Variants in OR1J2 observed in about 807,000 individuals in gnomAD.
OR1J2 encodes the protein olfactory receptor 1J2.
For missense variants in OR1J2, 304 were observed against 246.1 expected (o/e 1.24, Z -1.57); for synonymous variants, 142 against 99.7 (o/e 1.42, Z -2.52).
the OR1J2 span, among the ~76,000 whole-genome samples, chr9:122,484,420 A>G: frequency 6.6e-6 from 1 of 152,126 alleles, no homozygotes; most frequent in Non-Finnish European, 1.5e-5. Flanking sequence ...TCGGCCTCCC[A>G]AAGTGCTGGG....
chr9:122,516,411 C>A (rs1043690958), downstream of OR1J2, among the ~76,000 whole-genome samples: 284 of 148,390 alleles, frequency 1.9e-3, no homozygotes, highest in Middle Eastern at 3.5e-3. Flanking sequence ...TCACGCCCTT[C>A]TCCTGCCTCA....
chr9:122,549,544 T>C, the OR1J2 span, among the ~76,000 whole-genome samples: 1 of 152,202 alleles, frequency 6.6e-6, no homozygotes, highest in African/African-American at 2.4e-5. Context: ...TTGTATATGG[T>C]GAGAAATATG....
the OR1J2 span, among the ~76,000 whole-genome samples, chr9:122,533,472 C>T: frequency 2.0e-5 from 3 of 151,854 alleles, no homozygotes; most frequent in Non-Finnish European, 4.4e-5. Flanking sequence ...AGGTGTCTTA[C>T]ACTTGTGGGT....
At chr9:122,580,304 A>G in the OR1J2 span, among the ~76,000 whole-genome samples, 4 of 151,670 alleles carry the variant, frequency 2.6e-5, no homozygotes, top group African/African-American at 9.7e-5. Context: ...CTAACTGTAA[A>G]GAATTCTAGG....
At chr9:122,534,749 G>C in the OR1J2 span, among the ~76,000 whole-genome samples, 4 of 152,116 alleles carry the variant, frequency 2.6e-5, no homozygotes, top group Non-Finnish European at 5.9e-5. Context: ...GGGACAGGTG[G>C]GAGGGAAAGA....
the OR1J2 span, among the ~76,000 whole-genome samples, chr9:122,525,678 T>G: frequency 1.3e-5 from 2 of 152,100 alleles, no homozygotes; most frequent in Non-Finnish European, 2.9e-5. Context: ...CTGACCAGCA[T>G]GGGGCAGAGG....
At chr9:122,489,941 G>A in the OR1J2 span, among the ~76,000 whole-genome samples, 1 of 152,146 alleles carries the variant, frequency 6.6e-6, no homozygotes, top group Non-Finnish European at 1.5e-5. Context: ...TGTGAGAATT[G>A]TCAGGGATAG....
the OR1J2 span, chr9:122,554,256 G>A: frequency 1.0e-6 from 1 of 972,950 alleles, no homozygotes; most frequent in Admixed American, 2.4e-5. Context: ...GATATTAGGG[G>A]AAGGTTATCC....
the OR1J2 span, among the ~76,000 whole-genome samples, chr9:122,498,710 G>T: frequency 0.12 from 18,402 of 152,054 alleles, 1,228 homozygotes; most frequent in South Asian, 0.17. Flanking sequence ...GATTTTTCAT[G>T]GTGCCAGAAT....
the OR1J2 span, among the ~76,000 whole-genome samples, chr9:122,546,001 A>G: frequency 1.3e-5 from 2 of 151,896 alleles, no homozygotes; most frequent in African/African-American, 2.4e-5. Context: ...TTCCATGTCT[A>G]TATCACCATT....
At chr9:122,541,225 C>T in the OR1J2 span, among the ~76,000 whole-genome samples, 2 of 152,160 alleles carry the variant, frequency 1.3e-5, no homozygotes, top group African/African-American at 2.4e-5. Context: ...TTTTCTTTGA[C>T]AGTTCACTGA....
chr9:122,572,697 T>C, the OR1J2 span: 5 of 152,030 alleles, frequency 3.3e-5, no homozygotes, highest in African/African-American at 1.2e-4. Context: ...TCTTAATTCA[T>C]GAAATATTTG....
At chr9:122,498,713 G>A in the OR1J2 span, among the ~76,000 whole-genome samples, 1 of 152,092 alleles carries the variant, frequency 6.6e-6, no homozygotes, top group African/African-American at 2.4e-5. Flanking sequence ...TTTTCATGGT[G>A]CCAGAATTCT....
At chr9:122,493,657 T>G in the OR1J2 span, among the ~76,000 whole-genome samples, 1 of 152,152 alleles carries the variant, frequency 6.6e-6, no homozygotes, top group Non-Finnish European at 1.5e-5. Flanking sequence ...AACCAGCATT[T>G]TGTTTTATCT....
the OR1J2 span, among the ~76,000 whole-genome samples, chr9:122,460,894 T>G: frequency 6.6e-6 from 1 of 152,150 alleles, no homozygotes; most frequent in African/African-American, 2.4e-5. Context: ...GAGGTTGAGT[T>G]CTTGATTTGA....
the OR1J2 span, chr9:122,567,427 C>T: frequency 2.9e-6 from 2 of 694,514 alleles, no homozygotes; most frequent in East Asian, 2.6e-5. Context: ...CCCACAATAG[C>T]CTTGTCTCAC....
At chr9:122,471,585 G>A in the OR1J2 span, among the ~76,000 whole-genome samples, 10 of 152,114 alleles carry the variant, frequency 6.6e-5, no homozygotes, top group East Asian at 1.9e-4. Flanking sequence ...ACCCTTATGC[G>A]TAAGAATTAT....
chr9:122,479,245 A>G, the OR1J2 span, among the ~76,000 whole-genome samples: 3 of 152,130 alleles, frequency 2.0e-5, no homozygotes, highest in Non-Finnish European at 2.9e-5. Context: ...CAGCCATCTC[A>G]TCAATTTCTC....
At chr9:122,512,677 T>C (rs113859932), downstream of OR1J2, among the ~76,000 whole-genome samples, 195 of 152,312 alleles carry the variant, frequency 1.3e-3, no homozygotes, top group African/African-American at 4.4e-3. Flanking sequence ...AATATAGAAA[T>C]ACCCAGCTAC....
Sources: allele counts gnomAD v4.1 joint callset (sites outside exome capture counted in the v4.1 genomes callset), GRCh38; gene constraint gnomAD v4.1.1; transcripts MANE v1.5; gene names NCBI Gene and HGNC (gene_info 2026-07-23, HGNC 2026-07-21).